The following LRMDA variants were observed in gnomAD, a reference collection of about 807,000 sequenced individuals.
LRMDA encodes the protein leucine-rich melanocyte differentiation-associated protein.
A neutral mutation model predicts 29.8 loss-of-function variants in LRMDA; 18 were observed. The observed-to-expected ratio is 0.60, with a 90% confidence interval of 0.42 to 0.90. The LOEUF (loss-of-function observed/expected upper bound fraction) is 0.90, where lower values mean the gene tolerates loss of function less well. LRMDA is among the 40% of genes least tolerant of loss of function. LRMDA has a pLI of 0.00. For synonymous variants in LRMDA, 125 were observed against 109.4 expected (o/e 1.14, Z -0.89); for missense variants, 273 against 273.9 (o/e 1.00, Z 0.02).
chr10:76,054,734 G>A (rs1848582107), intron 4 of LRMDA, among the ~76,000 whole-genome samples: 1 of 150,912 alleles, frequency 6.6e-6, no homozygotes, highest in Admixed American at 6.6e-5. Context: ...TCTGCTACAA[G>A]CAGAAGACGG....
At chr10:76,237,566 C>T (rs147923373) in intron 5 of LRMDA, among the ~76,000 whole-genome samples, 156 of 152,206 alleles carry the variant, frequency 1.0e-3, no homozygotes, top group Non-Finnish European at 1.8e-3. Context: ...TGCTGACATG[C>T]TCTTGGAATG....
At chr10:76,084,605 G>A (rs1849105184) in intron 5 of LRMDA, among the ~76,000 whole-genome samples, 1 of 151,818 alleles carries the variant, frequency 6.6e-6, no homozygotes, top group African/African-American at 2.4e-5. Context: ...AATTCTTTTG[G>A]TTCAGTTTTC....
At chr10:75,807,432 C>T (rs984315821) in intron 2 of LRMDA, among the ~76,000 whole-genome samples, 17 of 152,252 alleles carry the variant, frequency 1.1e-4, no homozygotes, top group Non-Finnish European at 2.1e-4. Context: ...AAATTCAGTG[C>T]TTCCCCCAAG....
At chr10:75,659,296 G>T (rs963594689) in intron 2 of LRMDA, among the ~76,000 whole-genome samples, 1 of 152,080 alleles carries the variant, frequency 6.6e-6, no homozygotes, top group African/African-American at 2.4e-5. Context: ...TTAAAACCCA[G>T]CTTTCTTCCC....
intron 2 of LRMDA, among the ~76,000 whole-genome samples, chr10:75,959,798 A>G (rs1846731299): frequency 6.6e-6 from 1 of 152,222 alleles, no homozygotes; most frequent in Non-Finnish European, 1.5e-5. Context: ...CTCAGTATTC[A>G]GTATCAAAGG....
chr10:75,544,038 G>A (rs1297655090), intron 2 of LRMDA, among the ~76,000 whole-genome samples: 2 of 152,160 alleles, frequency 1.3e-5, no homozygotes, highest in East Asian at 3.9e-4. Context: ...CAACTTCAAA[G>A]GAGTGCCAGG....
chr10:76,370,508 A>C (rs555259743), intron 6 of LRMDA, among the ~76,000 whole-genome samples: 1 of 152,324 alleles, frequency 6.6e-6, no homozygotes, highest in Admixed American at 6.5e-5. Flanking sequence ...CTTTTAAAGA[A>C]AATAGCATAT....
chr10:76,131,860 C>G (rs1302007499), intron 5 of LRMDA, among the ~76,000 whole-genome samples: 1 of 152,192 alleles, frequency 6.6e-6, no homozygotes, highest in Non-Finnish European at 1.5e-5. Context: ...CGACAAACAG[C>G]TATACTGTCA....
intron 2 of LRMDA, among the ~76,000 whole-genome samples, chr10:75,729,762 C>T (rs1390557256): frequency 1.3e-5 from 2 of 152,116 alleles, no homozygotes; most frequent in Non-Finnish European, 2.9e-5. Context: ...ATTCTGACAT[C>T]TTGTGCATCT....
At chr10:75,619,533 G>GC (rs1398186413) in intron 2 of LRMDA, among the ~76,000 whole-genome samples, 2 of 152,138 alleles carry the variant, frequency 1.3e-5, no homozygotes, top group Non-Finnish European at 2.9e-5. Context: ...AACACACAAA[G>GC]CCCCAAAGGT....
At chr10:76,344,964 A>G (rs1398202886) in intron 6 of LRMDA, among the ~76,000 whole-genome samples, 1 of 151,800 alleles carries the variant, frequency 6.6e-6, no homozygotes, top group Non-Finnish European at 1.5e-5. Flanking sequence ...ATAATTCAGA[A>G]ACCCAGATAT....
At chr10:76,265,409 G>C (rs973978334) in intron 5 of LRMDA, among the ~76,000 whole-genome samples, 1 of 152,164 alleles carries the variant, frequency 6.6e-6, no homozygotes. Flanking sequence ...GTTGAGCCCT[G>C]GTTAATAGAG....
intron 5 of LRMDA, among the ~76,000 whole-genome samples, chr10:76,174,916 T>C (rs545919736): frequency 6.6e-6 from 1 of 152,028 alleles, no homozygotes; most frequent in Admixed American, 6.5e-5. Context: ...AGCTCAGGAG[T>C]TCGAGACTAG....
intron 2 of LRMDA, among the ~76,000 whole-genome samples, chr10:75,457,140 G>A (rs541842337): frequency 2.0e-5 from 3 of 152,314 alleles, no homozygotes; most frequent in Non-Finnish European, 4.4e-5. Context: ...AATGTGCAGA[G>A]GTTAAAAGGC....
intron 6 of LRMDA, among the ~76,000 whole-genome samples, chr10:76,451,529 T>C (rs1321472991): frequency 6.6e-6 from 1 of 151,782 alleles, no homozygotes; most frequent in Non-Finnish European, 1.5e-5. Flanking sequence ...TTATAGACTT[T>C]TATTGACAGC....
At chr10:75,779,373 A>G (rs1843351824) in intron 2 of LRMDA, among the ~76,000 whole-genome samples, 2 of 152,196 alleles carry the variant, frequency 1.3e-5, no homozygotes, top group Admixed American at 6.5e-5. Flanking sequence ...CAAAAGCCTA[A>G]TTACACTACC....
At chr10:75,818,651 A>G (rs1192553328) in intron 2 of LRMDA, among the ~76,000 whole-genome samples, 2 of 152,246 alleles carry the variant, frequency 1.3e-5, no homozygotes, top group Non-Finnish European at 2.9e-5. Context: ...TGCAGAGACG[A>G]AAGTTTTCTG....
chr10:76,236,096 T>C (rs1034761186), intron 5 of LRMDA, among the ~76,000 whole-genome samples: 3 of 152,124 alleles, frequency 2.0e-5, no homozygotes, highest in African/African-American at 2.4e-5. Context: ...GCCAAATATA[T>C]TGTTCAAGGT....
chr10:76,367,709 A>G (rs1401524466), intron 6 of LRMDA, among the ~76,000 whole-genome samples: 1 of 152,078 alleles, frequency 6.6e-6, no homozygotes, highest in Non-Finnish European at 1.5e-5. Context: ...CGGCCTCCCA[A>G]AGTGCTGGGA....
Sources: gnomAD v4.1 joint callset for allele counts (sites outside exome capture counted in the v4.1 genomes callset) on GRCh38, gnomAD v4.1.1 for gene constraint, MANE v1.5 for transcripts, NCBI Gene and HGNC (gene_info 2026-07-23, HGNC 2026-07-21) for gene names.